Variants in MYO16 observed in about 807,000 individuals in gnomAD.
The protein encoded by MYO16 is unconventional myosin-XVI.
Under a neutral mutation model 205.3 loss-of-function variants are expected in MYO16, and 94 were observed. That is an observed-to-expected ratio of 0.46 (90% CI 0.39 to 0.54). The LOEUF is 0.54. Among genes scored for constraint, MYO16 ranks in the 20% least tolerant of loss-of-function variants. The pLI, the probability that MYO16 is intolerant of heterozygous loss-of-function variation, is 0.00. For missense variants in MYO16, 2,315 were observed against 2,387.5 expected, an observed-to-expected ratio of 0.97 and a Z score of 0.63; for synonymous variants, 988 against 954.0, an observed-to-expected ratio of 1.04 and a Z score of -0.66.
chr13:108,672,273 A>G (rs1340299061), intron 2 of MYO16, among the ~76,000 whole-genome samples: 1 of 152,202 alleles, frequency 6.6e-6, no homozygotes. Context: ...TCTTTAAGCT[A>G]TTGAAATAGT....
chr13:108,992,347 AT>A, intron 20 of MYO16, 28 bp from the exon 21 acceptor site: 1 of 1,564,726 alleles, frequency 6.4e-7, no homozygotes, highest in Non-Finnish European at 8.8e-7. Flanking sequence ...AAGGATGCCC[AT>A]TTATCCTGGT....
At chr13:108,592,155 G>A (rs1344376544), upstream of MYO16, among the ~76,000 whole-genome samples, 1 of 113,310 alleles carries the variant, frequency 8.8e-6, no homozygotes, top group Non-Finnish European at 1.8e-5. Flanking sequence ...TGTGTGGAGT[G>A]TGTTTGGGGT....
chr13:108,503,972 T>A, the MYO16 span, among the ~76,000 whole-genome samples: 5 of 152,298 alleles, frequency 3.3e-5, no homozygotes, highest in Non-Finnish European at 7.3e-5. Context: ...TATTATTATT[T>A]TTTTTGCCTT....
At chr13:109,110,165 G>C (rs1378145672) in intron 28 of MYO16, among the ~76,000 whole-genome samples, 3 of 152,226 alleles carry the variant, frequency 2.0e-5, no homozygotes, top group Non-Finnish European at 2.9e-5. Context: ...GATCAAATGT[G>C]TGCTCTGACT....
At chr13:108,753,174 C>T (rs1282208997) in intron 4 of MYO16, among the ~76,000 whole-genome samples, 8 of 151,570 alleles carry the variant, frequency 5.3e-5, no homozygotes, top group Non-Finnish European at 8.8e-5. Flanking sequence ...TCGAGACCAG[C>T]CTGACCAACA....
At chr13:108,882,696 A>G (rs1397206222) in intron 12 of MYO16, among the ~76,000 whole-genome samples, 1 of 152,192 alleles carries the variant, frequency 6.6e-6, no homozygotes, top group African/African-American at 2.4e-5. Context: ...ATCTTATGGT[A>G]TTGAAATTAA....
intron 4 of MYO16, among the ~76,000 whole-genome samples, chr13:108,780,329 T>C (rs1311971258): frequency 1.3e-5 from 2 of 149,090 alleles, no homozygotes; most frequent in African/African-American, 5.0e-5. Context: ...CTCTCAGGTA[T>C]GTTAGTCATA....
chr13:108,950,668 G>GT (rs1024084177), intron 16 of MYO16, among the ~76,000 whole-genome samples: 1 of 152,150 alleles, frequency 6.6e-6, no homozygotes, highest in Non-Finnish European at 1.5e-5. Flanking sequence ...TGCAACTACC[G>GT]TATGACCCAG....
At chr13:109,205,180 T>C (rs950683537) in intron 34 of MYO16, among the ~76,000 whole-genome samples, 1 of 152,226 alleles carries the variant, frequency 6.6e-6, no homozygotes, top group Admixed American at 6.5e-5. Context: ...TTCCTCTGGT[T>C]GTCTGTAAAT....
chr13:109,153,941 G>T (rs1449230972), intron 32 of MYO16, among the ~76,000 whole-genome samples: 4 of 152,244 alleles, frequency 2.6e-5, no homozygotes, highest in South Asian at 4.1e-4. Context: ...CCAGTCATTT[G>T]TCCTTCCTGA....
At chr13:108,939,968 C>T (rs1882654075) in intron 16 of MYO16, among the ~76,000 whole-genome samples, 1 of 152,112 alleles carries the variant, frequency 6.6e-6, no homozygotes, top group African/African-American at 2.4e-5. Flanking sequence ...TGCAGTATCT[C>T]ACCTGGTTAA....
At chr13:108,661,796 C>T (rs988799740) in intron 1 of MYO16, among the ~76,000 whole-genome samples, 5 of 152,118 alleles carry the variant, frequency 3.3e-5, no homozygotes, top group African/African-American at 1.2e-4. Flanking sequence ...AAATCAGAGA[C>T]TTCATCTTGG....
At chr13:108,762,201 T>C (rs968831757) in intron 4 of MYO16, among the ~76,000 whole-genome samples, 1 of 152,186 alleles carries the variant, frequency 6.6e-6, no homozygotes, top group Admixed American at 6.5e-5. Context: ...TAAGTAGTAT[T>C]CCATCGTCTA....
At chr13:108,746,425 A>T (rs966448496) in intron 4 of MYO16, among the ~76,000 whole-genome samples, 1 of 152,068 alleles carries the variant, frequency 6.6e-6, no homozygotes, top group African/African-American at 2.4e-5. Context: ...GTAAGTATAC[A>T]CTTTCATAGA....
At chr13:108,981,314 C>A (rs962756730) in intron 20 of MYO16, among the ~76,000 whole-genome samples, 2 of 152,192 alleles carry the variant, frequency 1.3e-5, no homozygotes, top group Non-Finnish European at 2.9e-5. Flanking sequence ...TAAAGCCTAG[C>A]TTAAATGCCA....
At chr13:108,536,734 C>T in the MYO16 span, among the ~76,000 whole-genome samples, 1 of 151,998 alleles carries the variant, frequency 6.6e-6, no homozygotes, top group Non-Finnish European at 1.5e-5. Context: ...TATTTCTCAC[C>T]TTTTCTGTGT....
rs111897678 is a variant in MYO16, at chr13:108,638,986, G to T, written c.28+9114G>T. On this transcript the variant is annotated intron_variant, in intron 1 of 34. Transcript: ENST00000457511. ...CTGCACAAAGCACCATGTTGTGACT[G>T]CGTAGTGCGTTCAAAGCAAAGAGAT... 1.4e-4 allele frequency among the ~76,000 whole-genome samples: 21 copies of T among 152,306 alleles called. 2 individuals carry two copies. The highest frequency in any genetic ancestry group is 4.8e-4 in the African/African-American group (20 of 41,584).
In MYO16 at chr13:108,965,743, C is replaced by A. The variant is rs74569578; in HGVS notation, c.2369+841C>A. ...AAACAGTAGATTTTCAGGGCTATTT[C>A]ATCATCTAAAAATTATATCTCTCCA... On this transcript the variant is annotated intron_variant, in intron 20 of 34. Coordinates refer to ENST00000457511, the MANE Select transcript of MYO16 (RefSeq NM_001198950.3). 4.6e-3 allele frequency among the ~76,000 whole-genome samples: 707 copies of A among 152,260 alleles called. 7 individuals are homozygous for A. Among genetic ancestry groups the A allele is most frequent in the African/African-American group, 0.015 (637 of 41,544 alleles).
chr13:108,753,384 A>AAAAAAAAAAAAC (rs1566587656), intron 4 of MYO16, among the ~76,000 whole-genome samples: 130 of 145,742 alleles, frequency 8.9e-4, no homozygotes, highest in African/African-American at 3.6e-3. Flanking sequence ...AAAAAAAAAA[A>AAAAAAAAAAAAC]AAAAAAAAAA....
Sources: allele counts gnomAD v4.1 joint callset (sites outside exome capture counted in the v4.1 genomes callset), GRCh38; gene constraint gnomAD v4.1.1; transcripts MANE v1.5; gene names NCBI Gene and HGNC (gene_info 2026-07-23, HGNC 2026-07-21).